CADPS2: variants seen among roughly 807,000 people sequenced by gnomAD.
CADPS2 encodes calcium-dependent secretion activator 2.
In CADPS2, 93 loss-of-function variants were observed where a neutral mutation model predicts 172.5. That is an observed-to-expected ratio of 0.54 (90% confidence interval 0.46 to 0.64). The LOEUF is 0.64. Ranked by LOEUF, CADPS2 falls within the 30% of genes least tolerant of loss-of-function variation. The pLI is 0.00. For missense variants in CADPS2, 1,420 were observed against 1,565.9 expected (o/e 0.91, Z 1.57); for synonymous variants, 546 against 555.2 (o/e 0.98, Z 0.23).
intron 6 of CADPS2, among the ~76,000 whole-genome samples, chr7:122,587,394 C>T (rs1408094581): frequency 1.3e-5 from 2 of 152,076 alleles, no homozygotes; most frequent in Admixed American, 1.3e-4. Context: ...AATTAGTTTG[C>T]TGAGGATAAT....
At chr7:122,414,374 T>A (rs991621234) in intron 18 of CADPS2, among the ~76,000 whole-genome samples, 13 of 152,204 alleles carry the variant, frequency 8.5e-5, no homozygotes, top group African/African-American at 3.1e-4. Context: ...GAATAAAAGA[T>A]ATACCTGTTT....
At position 122,758,823 on chromosome 7, in the gene CADPS2, C is replaced by T. The variant is rs527429642; in HGVS notation, c.340-21755G>A. 1.1e-4 allele frequency among the ~76,000 whole-genome samples: 17 copies of T among 152,082 alleles called. No homozygotes were observed. The South Asian group carries it at 2.9e-3, about 26-fold the overall frequency. On this transcript the variant is annotated intron_variant, in intron 1 of 29. Transcript: ENST00000449022. ...TAAAAACCAAAGTGATAGCTGCAAA[C>T]CATTAACGTTTTTAAACTAATCTTC...
At chr7:122,369,774 A>G (rs892057344) in intron 25 of CADPS2, 1 of 152,048 alleles carries the variant, frequency 6.6e-6, no homozygotes, top group Non-Finnish European at 1.5e-5. Flanking sequence ...ACTCCTTACT[A>G]TTTCCCTTTT....
intron 6 of CADPS2, among the ~76,000 whole-genome samples, chr7:122,589,481 G>A (rs1237637504): frequency 1.3e-5 from 2 of 151,860 alleles, no homozygotes; most frequent in Admixed American, 6.6e-5. Context: ...AATACTTACG[G>A]AAGAGCAGCT....
At chr7:122,356,497 C>G (rs1472746672) in intron 27 of CADPS2, among the ~76,000 whole-genome samples, 1 of 152,118 alleles carries the variant, frequency 6.6e-6, no homozygotes, top group Non-Finnish European at 1.5e-5. Context: ...TTCTCCCCAT[C>G]TTCCTTTGCT....
chr7:122,818,414 C>T (rs1306664804), intron 1 of CADPS2, among the ~76,000 whole-genome samples: 2 of 152,228 alleles, frequency 1.3e-5, no homozygotes, highest in South Asian at 4.1e-4. Flanking sequence ...GTCTGAGGTG[C>T]CTGACGTCCA....
intron 4 of CADPS2, among the ~76,000 whole-genome samples, chr7:122,624,468 C>G (rs1160025796): frequency 6.6e-6 from 1 of 152,192 alleles, no homozygotes; most frequent in Non-Finnish European, 1.5e-5. Context: ...AGGATTGTTT[C>G]TCTAAGCTGA....
chr7:122,588,039 C>T (rs1404645503), intron 6 of CADPS2, among the ~76,000 whole-genome samples: 1 of 151,898 alleles, frequency 6.6e-6, no homozygotes. Flanking sequence ...ATGTCCTTTG[C>T]CCACTTTTAA....
intron 6 of CADPS2, among the ~76,000 whole-genome samples, chr7:122,589,456 C>A (rs2070377247): frequency 6.6e-6 from 1 of 151,808 alleles, no homozygotes; most frequent in Non-Finnish European, 1.5e-5. Flanking sequence ...TTGTGGAAAA[C>A]TCTAAGCAGA....
At chr7:122,627,703 T>A (rs1486673698) in intron 4 of CADPS2, among the ~76,000 whole-genome samples, 1 of 152,164 alleles carries the variant, frequency 6.6e-6, no homozygotes, top group Non-Finnish European at 1.5e-5. Context: ...CAGTCTCAGG[T>A]ACAATCTATA....
At chr7:122,817,218 G>A (rs1256949334) in intron 1 of CADPS2, among the ~76,000 whole-genome samples, 2 of 152,202 alleles carry the variant, frequency 1.3e-5, no homozygotes, top group African/African-American at 4.8e-5. Context: ...TCCCTTGGGA[G>A]ATCAATCCCC....
intron 6 of CADPS2, among the ~76,000 whole-genome samples, chr7:122,594,176 T>C (rs2133289184): frequency 6.6e-6 from 1 of 152,154 alleles, no homozygotes; most frequent in East Asian, 1.9e-4. Flanking sequence ...AGCACACATC[T>C]GTAATCCTAG....
At chr7:122,398,143 T>C (rs1034256828) in intron 20 of CADPS2, among the ~76,000 whole-genome samples, 10 of 152,200 alleles carry the variant, frequency 6.6e-5, no homozygotes, top group African/African-American at 2.4e-4. Context: ...GTGTTGATTA[T>C]TTTCATATGA....
intron 25 of CADPS2, among the ~76,000 whole-genome samples, chr7:122,367,277 G>A (rs1426255365): frequency 6.6e-6 from 1 of 151,986 alleles, no homozygotes; most frequent in Non-Finnish European, 1.5e-5. Context: ...AATATTCTAA[G>A]TTATGAGAGA....
chr7:122,702,399 C>T lies in CADPS2; in HGVS notation c.453+34556G>A, dbSNP rs189837730. On this transcript the variant is annotated intron_variant, in intron 2 of 29. Coordinates refer to ENST00000449022, the MANE Select transcript of CADPS2 (RefSeq NM_017954.11). ...CCATTTGCTCCCTTCTCTGCTGCCA[C>T]GTTGATTTTATGTGTAAAAGTACAG... 242 of 1,613,754 alleles carry T rather than the reference C, an allele frequency of 1.5e-4. 1 individual carries two copies. In the East Asian group the frequency reaches 5.1e-3, roughly 34 times the overall value.
intron 2 of CADPS2, among the ~76,000 whole-genome samples, chr7:122,715,142 T>A: frequency 6.6e-6 from 1 of 152,274 alleles, no homozygotes; most frequent in South Asian, 2.1e-4. Context: ...ATAGAGCTTA[T>A]TGGTCATTTA....
intron 2 of CADPS2, among the ~76,000 whole-genome samples, chr7:122,720,648 C>T (rs879403019): frequency 3.3e-5 from 5 of 151,168 alleles, no homozygotes; most frequent in East Asian, 3.9e-4. Flanking sequence ...ACACACAGAG[C>T]GAGAGTGAGA....
chr7:122,625,894 T>C, intron 4 of CADPS2, among the ~76,000 whole-genome samples: 1 of 152,178 alleles, frequency 6.6e-6, no homozygotes. Flanking sequence ...TCTAGATATA[T>C]GAAAATACAG....
chr7:122,605,950 T>C (rs1285220799), intron 6 of CADPS2, among the ~76,000 whole-genome samples: 5 of 152,134 alleles, frequency 3.3e-5, no homozygotes, highest in Non-Finnish European at 5.9e-5. Flanking sequence ...ATTATAGCAA[T>C]GTCCATCAAT....
Sources: gnomAD v4.1 joint callset for allele counts (sites outside exome capture counted in the v4.1 genomes callset) on GRCh38, gnomAD v4.1.1 for gene constraint, MANE v1.5 for transcripts, NCBI Gene and HGNC (gene_info 2026-07-23, HGNC 2026-07-21) for gene names.